Variants in COL5A2 observed in about 807,000 individuals in gnomAD.
The protein encoded by COL5A2 is collagen alpha-2(V) chain.
Under a neutral mutation model 208.2 loss-of-function variants are expected in COL5A2, and 23 were observed. The observed-to-expected ratio is 0.11, with a 90% confidence interval of 0.08 to 0.16. The LOEUF is 0.16. Ranked by LOEUF, COL5A2 falls within the 10% of genes least tolerant of loss-of-function variation. COL5A2 has a pLI of 1.00. For synonymous variants in COL5A2, 625 were observed against 628.5 expected (o/e 0.99, Z 0.08); for missense variants, 1,590 against 1,956.4 (o/e 0.81, Z 3.53).
At position 189,064,731 on chromosome 2, in the gene COL5A2, T is replaced by C. The variant is rs1576503402; in HGVS notation, c.1618-76A>G. 6.3e-6 allele frequency: 7 copies of C among 1,108,538 alleles called. No homozygotes were observed. The East Asian group carries it at 1.4e-4, about 22-fold the overall frequency. The allele number at this position is 1,108,538 out of a possible 1,614,324, so 68.7% of individuals were successfully genotyped here. On this transcript the variant is annotated intron_variant, in intron 24 of 53. Coordinates refer to ENST00000374866, the MANE Select transcript of COL5A2 (RefSeq NM_000393.5). ...AAGCAAGCAGAAGTAAAATTATCGT[T>C]TTACAAATCAAGGCACTAATATAAC...
chr2:189,277,715 T>C, the COL5A2 span, among the ~76,000 whole-genome samples: 97 of 152,044 alleles, frequency 6.4e-4, no homozygotes, highest in African/African-American at 2.2e-3. Context: ...ATACAGATAC[T>C]CATAGATCCA....
chr2:189,394,645 T>A, the COL5A2 span, among the ~76,000 whole-genome samples: 6 of 152,200 alleles, frequency 3.9e-5, no homozygotes, highest in Non-Finnish European at 5.9e-5. Flanking sequence ...TCTGTTACAG[T>A]AGCCTGAAGT....
the COL5A2 span, among the ~76,000 whole-genome samples, chr2:189,299,954 T>G: frequency 6.6e-6 from 1 of 152,186 alleles, no homozygotes; most frequent in Admixed American, 6.5e-5. Flanking sequence ...ATGCCCTCTA[T>G]GGCCTTTAAA....
the COL5A2 span, among the ~76,000 whole-genome samples, chr2:189,351,735 A>C: frequency 6.6e-6 from 1 of 152,196 alleles, no homozygotes; most frequent in African/African-American, 2.4e-5. Flanking sequence ...ATTAATGAAA[A>C]GGGGGCAGGA....
At chr2:189,343,593 TA>T in the COL5A2 span, among the ~76,000 whole-genome samples, 2 of 152,146 alleles carry the variant, frequency 1.3e-5, no homozygotes, top group African/African-American at 4.8e-5. Flanking sequence ...CTCAATTCTT[TA>T]ATTTTTTAAA....
intron 1 of COL5A2, among the ~76,000 whole-genome samples, chr2:189,174,925 C>CAA (rs911628917): frequency 6.6e-6 from 1 of 152,112 alleles, no homozygotes; most frequent in African/African-American, 2.4e-5. Flanking sequence ...AGACAAGAAG[C>CAA]AAAGAAAATG....
chr2:189,068,372 G>A (rs774281594), intron 19 of COL5A2, 102 bp from the exon 20 acceptor site: 55 of 1,057,242 alleles, frequency 5.2e-5, no homozygotes, highest in South Asian at 1.2e-4. Flanking sequence ...GGAAGTAGAA[G>A]CATTTTTTAA....
chr2:189,068,298 G>A lies in COL5A2; in HGVS notation c.1258-28C>T, dbSNP rs780281477. 5 of 1,573,854 alleles carry A rather than the reference G, an allele frequency of 3.2e-6. No homozygotes were observed. In the East Asian group the frequency reaches 1.1e-4, roughly 35 times the overall value. On this transcript the variant is annotated intron_variant, in intron 19 of 53. Coordinates refer to ENST00000374866, the MANE Select transcript of COL5A2 (RefSeq NM_000393.5). ...AAAAGGTACATTAAAAGTATGTAAT[G>A]AAATATTAAGCAATATATAGATACA...
At chr2:189,249,104 T>C in the COL5A2 span, among the ~76,000 whole-genome samples, 1 of 152,168 alleles carries the variant, frequency 6.6e-6, no homozygotes, top group African/African-American at 2.4e-5. Context: ...TTTCAGGAAA[T>C]GAAGTTAGCA....
chr2:189,116,776 T>C (rs1166320326), intron 1 of COL5A2, among the ~76,000 whole-genome samples: 1 of 152,196 alleles, frequency 6.6e-6, no homozygotes, highest in Non-Finnish European at 1.5e-5. Context: ...AGAGTAGGCA[T>C]TCAATAATTA....
At chr2:189,177,200 A>T (rs1198663775) in intron 1 of COL5A2, among the ~76,000 whole-genome samples, 1 of 152,242 alleles carries the variant, frequency 6.6e-6, no homozygotes, top group African/African-American at 2.4e-5. Flanking sequence ...ATATCACATT[A>T]TGTGACTGTT....
chr2:189,097,194 C>T (rs923028330), intron 6 of COL5A2, 83 bp downstream of exon 6: 9 of 1,332,976 alleles, frequency 6.8e-6, no homozygotes, highest in Non-Finnish European at 9.7e-6. Context: ...GAATAGTGCT[C>T]CCAGCTTCTT....
At chr2:189,419,883 GGA>G in the COL5A2 span, among the ~76,000 whole-genome samples, 4 of 141,334 alleles carry the variant, frequency 2.8e-5, no homozygotes, top group African/African-American at 1.1e-4. Context: ...AGGAGGAGGA[GGA>G]GAGGAGAGGA....
At chr2:189,344,578 A>G in the COL5A2 span, among the ~76,000 whole-genome samples, 5,546 of 152,254 alleles carry the variant, frequency 0.036, 117 homozygotes, top group Admixed American at 0.05. Flanking sequence ...AGTCCCAAGA[A>G]TATCTAAACT....
At chr2:189,096,054 T>A (rs948947921) in intron 6 of COL5A2, 1 of 152,080 alleles carries the variant, frequency 6.6e-6, no homozygotes, top group African/African-American at 2.4e-5. Context: ...ACACTATATA[T>A]GAGGTGAAAT....
At chr2:189,364,173 G>A in the COL5A2 span, among the ~76,000 whole-genome samples, 1 of 152,186 alleles carries the variant, frequency 6.6e-6, no homozygotes, top group Admixed American at 6.5e-5. Flanking sequence ...TCTGAATTTT[G>A]TGAAATAGTA....
intron 6 of COL5A2, among the ~76,000 whole-genome samples, chr2:189,094,443 C>G (rs1018583222): frequency 1.3e-5 from 2 of 151,488 alleles, no homozygotes. Flanking sequence ...TACTCAAATA[C>G]CTCCGCAGTA....
At chr2:189,233,780 G>A in the COL5A2 span, among the ~76,000 whole-genome samples, 1 of 151,572 alleles carries the variant, frequency 6.6e-6, no homozygotes, top group African/African-American at 2.4e-5. Context: ...ATGCAATCAC[G>A]AAGGTAAACA....
At chr2:189,249,935 T>G in the COL5A2 span, among the ~76,000 whole-genome samples, 1 of 152,214 alleles carries the variant, frequency 6.6e-6, no homozygotes, top group Non-Finnish European at 1.5e-5. Context: ...TGACCTCAGG[T>G]GATCCCCCGG....
Sources: allele counts gnomAD v4.1 joint callset (sites outside exome capture counted in the v4.1 genomes callset), GRCh38; gene constraint gnomAD v4.1.1; transcripts MANE v1.5; gene names NCBI Gene and HGNC (gene_info 2026-07-23, HGNC 2026-07-21).